Variants in VWA2 observed in about 807,000 individuals in gnomAD.
The protein encoded by VWA2 is von Willebrand factor A domain-containing protein 2.
A neutral mutation model predicts 70.4 loss-of-function variants in VWA2; 73 were observed. The ratio of observed to expected loss-of-function variants is 1.04; its 90% CI spans 0.86 to 1.26. VWA2 has a LOEUF of 1.26. Ranked by LOEUF, VWA2 falls within the 50% of genes most tolerant of loss-of-function variation. VWA2 has a pLI of 0.00. For synonymous variants in VWA2, 407 were observed against 423.3 expected (o/e 0.96, Z 0.47); for missense variants, 1,011 against 998.5 (o/e 1.01, Z -0.17).
chr10:114,286,481 C>T lies in VWA2; in HGVS notation c.1540C>T (p.Gln514Ter). The T allele has an allele frequency of 6.3e-7, 1 of 1,590,008 alleles. No individual in the cohort carries two copies. Among genetic ancestry groups the T allele is most frequent in the African/African-American group, 1.3e-5 (1 of 74,726 alleles). ...QDLFNQIPEL[Q>*]GKLCSRQRPG... ...TCTGTTCAACCAAATCCCTGAGCTG[C>T]AGGGGAAGCTGTGCAGCCGGCAGCG... The change falls in exon 11 of 14, where the codon CAG (glutamine) becomes TAG (stop). Residue 514 changes from glutamine to a stop codon, truncating the protein, a stop_gained. Coordinates refer to ENST00000392982, the MANE Select transcript of VWA2 (RefSeq NM_001272046.2). LOFTEE classifies it high-confidence loss of function.
At chr10:114,273,064 T>C in intron 6 of VWA2, 130 bp downstream of exon 6, 1 of 699,648 alleles carries the variant, frequency 1.4e-6, no homozygotes, top group Non-Finnish European at 2.2e-6. Context: ...TTTTCCTCAC[T>C]TTGCCATTTT....
chr10:114,288,627 G>A (rs2039201000), intron 11 of VWA2, among the ~76,000 whole-genome samples: 1 of 152,210 alleles, frequency 6.6e-6, no homozygotes, highest in African/African-American at 2.4e-5. Flanking sequence ...GGGGAGAGGG[G>A]AAGTGGAAGG....
chr10:114,254,839 G>C, intron 3 of VWA2, 76 bp from the exon 4 acceptor site: 1 of 1,574,760 alleles, frequency 6.4e-7, no homozygotes, highest in South Asian at 1.2e-5. Flanking sequence ...CCACAAGGCT[G>C]TTTGTGCCTT....
rs151071832 is a variant in VWA2 at position 114,286,947 on chromosome 10, C to T, written c.1570+436C>T. ...ACATGCACATGTATGCACACATACA[C>T]ACACGGATGCATGTGCATGCACACG... On this transcript the variant is annotated intron_variant, in intron 11 of 13. Coordinates refer to ENST00000392982, the MANE Select transcript of VWA2 (RefSeq NM_001272046.2). Among the ~76,000 whole-genome samples the T allele has an allele frequency of 3.8e-3, 583 of 152,294 alleles. 1 individual carries two copies. The highest frequency in any genetic ancestry group is 5.7e-3 in the Admixed American group (88 of 15,306).
At chr10:114,251,804 G>A (rs2037201502) in intron 2 of VWA2, among the ~76,000 whole-genome samples, 1 of 150,758 alleles carries the variant, frequency 6.6e-6, no homozygotes, top group East Asian at 2.0e-4. Context: ...TGAATGCAGT[G>A]AGCAGAAAAC....
intron 4 of VWA2, 105 bp downstream of exon 4, chr10:114,255,153 A>T (rs1360452562): frequency 1.3e-5 from 18 of 1,436,268 alleles, no homozygotes; most frequent in Non-Finnish European, 1.6e-5. Context: ...TGGAGCTGGG[A>T]AGACCAAGGG....
At chr10:114,243,989 A>T (rs991486698) in intron 1 of VWA2, among the ~76,000 whole-genome samples, 2 of 152,258 alleles carry the variant, frequency 1.3e-5, no homozygotes, top group Non-Finnish European at 2.9e-5. Context: ...AAGTGGGATT[A>T]GCATGAGTAA....
At position 114,277,985 on chromosome 10, in the gene VWA2, A is replaced by T; in HGVS notation, c.638A>T (p.Asp213Val). 6.2e-7 allele frequency: 1 copy of T among 1,613,282 alleles called. No homozygotes were observed. The highest frequency in any genetic ancestry group is 8.5e-7 in the Non-Finnish European group (1 of 1,179,816). Residue 213 changes from aspartate (D) to valine (V), a missense_variant, in exon 7 of 14, where the codon GAT becomes GTT. Transcript: ENST00000392982. ...GTGCTGTTGGCTGAGCAGGTGGAGGATGCCACCAACGGCCTCTTCAGCACC... is the reference window on the plus strand; with the variant it reads ...GTGCTGTTGGCTGAGCAGGTGGAGGTTGCCACCAACGGCCTCTTCAGCACC... ...QHVLLAEQVE[D>V]ATNGLFSTLS...
In VWA2 at chr10:114,286,463, A is replaced by C. The variant is rs748622720; in HGVS notation, c.1522A>C (p.Asn508His). 5 of 1,603,432 alleles carry C rather than the reference A, an allele frequency of 3.1e-6. 1 individual carries two copies. The South Asian group carries it at 5.5e-5, about 18-fold the overall frequency. The change falls in exon 11 of 14, where the codon AAC (asparagine) becomes CAC (histidine). Residue 508 changes from asparagine (N) to histidine (H), a missense_variant. Coordinates refer to ENST00000392982, the MANE Select transcript of VWA2 (RefSeq NM_001272046.2). ...MVYSDPQDLF[N>H]QIPELQGKLC... is the part of the protein sequence containing the mutation. ...CTACTCGGATCCTCAGGATCTGTTCAACCAAATCCCTGAGCTGCAGGGGAA... is the reference window on the plus strand; with the variant it reads ...CTACTCGGATCCTCAGGATCTGTTCCACCAAATCCCTGAGCTGCAGGGGAA...
In VWA2 at chr10:114,286,393, G is replaced by A. The variant is rs2038903380; in HGVS notation, c.1452G>A (p.Arg484=). The change falls in exon 11 of 14, where the codon CGG becomes CGA. Residue 484 remains arginine (R), a synonymous_variant. Coordinates refer to ENST00000392982, the MANE Select transcript of VWA2 (RefSeq NM_001272046.2). ...TGGGTGTAGGCAGTGAGGCCGTGCGGGCAGAGCTGGAGGAGATCACAGGCA... is the reference window on the plus strand; with the variant it reads ...TGGGTGTAGGCAGTGAGGCCGTGCGAGCAGAGCTGGAGGAGATCACAGGCA... ...LLLGVGSEAV[R]AELEEITGSP... 7.4e-6 allele frequency: 12 copies of A among 1,613,930 alleles called. No homozygotes were observed. The highest frequency in any genetic ancestry group is 1.0e-5 in the Non-Finnish European group (12 of 1,180,032).
At chr10:114,242,425 G>A (rs2133273561) in intron 1 of VWA2, among the ~76,000 whole-genome samples, 1 of 152,216 alleles carries the variant, frequency 6.6e-6, no homozygotes, top group Admixed American at 6.5e-5. Context: ...CATAGTACCA[G>A]GTGCATCTGC....
At chr10:114,267,196 C>G (rs2037588765) in intron 5 of VWA2, among the ~76,000 whole-genome samples, 1 of 152,032 alleles carries the variant, frequency 6.6e-6, no homozygotes, top group Non-Finnish European at 1.5e-5. Context: ...CTCACTGCAA[C>G]CTCCGCCTCC....
intron 4 of VWA2, among the ~76,000 whole-genome samples, chr10:114,255,625 A>G (rs1223088930): frequency 6.6e-6 from 1 of 152,256 alleles, no homozygotes; most frequent in Non-Finnish European, 1.5e-5. Flanking sequence ...TGGACTGAAT[A>G]GCACAGCTCC....
intron 2 of VWA2, among the ~76,000 whole-genome samples, chr10:114,252,576 T>A (rs968535207): frequency 7.2e-5 from 11 of 152,070 alleles, no homozygotes; most frequent in African/African-American, 2.4e-4. Context: ...GTCATCACTT[T>A]CCTGGCAGTT....
At chr10:114,261,106 C>CT in intron 4 of VWA2, 80 bp from the exon 5 acceptor site, 1 of 1,053,242 alleles carries the variant, frequency 9.5e-7, no homozygotes, top group Non-Finnish European at 1.4e-6. Flanking sequence ...GGGTTGTTAA[C>CT]TTTTCTTGCC....
At chr10:114,256,313 A>G (rs972891803) in intron 4 of VWA2, among the ~76,000 whole-genome samples, 1 of 152,254 alleles carries the variant, frequency 6.6e-6, no homozygotes, top group African/African-American at 2.4e-5. Context: ...TGATATGGAA[A>G]AACACCAGAA....
At chr10:114,253,604 TC>T (rs869069377) in intron 2 of VWA2, 46 bp from the exon 3 acceptor site, 1 of 1,545,744 alleles carries the variant, frequency 6.5e-7, no homozygotes, top group African/African-American at 1.5e-5. Flanking sequence ...TTGAGCCTCC[TC>T]CCCTCTCAGC....
chr10:114,239,749 A>G (rs1207515093), intron 1 of VWA2, among the ~76,000 whole-genome samples, 180 bp downstream of exon 1: 6 of 152,224 alleles, frequency 3.9e-5, no homozygotes, highest in African/African-American at 1.4e-4. Context: ...CGCGCACCTG[A>G]GCGCGGCCTT....
intron 5 of VWA2, among the ~76,000 whole-genome samples, chr10:114,262,107 A>G (rs1013542664): frequency 5.9e-5 from 9 of 152,158 alleles, no homozygotes; most frequent in African/African-American, 2.2e-4. Context: ...GACAACTTGT[A>G]CTAGGCCCCA....
Sources: allele counts gnomAD v4.1 joint callset (sites outside exome capture counted in the v4.1 genomes callset), GRCh38; gene constraint gnomAD v4.1.1; transcripts MANE v1.5; gene names NCBI Gene and HGNC (gene_info 2026-07-23, HGNC 2026-07-21).